Variants in NPAS3 observed in about 807,000 individuals in gnomAD.
NPAS3 encodes the protein neuronal PAS domain protein 3, also known as neuronal PAS domain-containing protein 3.
Under a neutral mutation model 73.1 loss-of-function variants are expected in NPAS3, and 14 were observed. The observed-to-expected ratio is 0.19, with a 90% CI of 0.13 to 0.30. NPAS3 has a LOEUF of 0.30. Among genes scored for constraint, NPAS3 ranks in the 10% least tolerant of loss-of-function variants. The probability of loss-of-function intolerance (pLI) is 1.00; values close to 1 mark genes in which losing one functional copy is unlikely to be tolerated. For missense variants in NPAS3, 1,096 were observed against 1,250.0 expected, an observed-to-expected ratio of 0.88 and a Z score of 1.86; for synonymous variants, 620 against 541.5, an observed-to-expected ratio of 1.14 and a Z score of -2.01.
At chr14:33,613,421 T>C (rs2057812823) in intron 5 of NPAS3, among the ~76,000 whole-genome samples, 1 of 152,134 alleles carries the variant, frequency 6.6e-6, no homozygotes, top group Admixed American at 6.5e-5. Flanking sequence ...CTCTCTGAAT[T>C]GACCCTTCCA....
rs114974357 is a variant in NPAS3, at chr14:33,658,595, G to C, written c.559-17616G>C. ...GCTGCTCTAGTTGGAAAGTGAGAGA[G>C]AGAGGCCTCAGAGGTATCCCAGGGA... On this transcript the variant is annotated intron_variant, in intron 5 of 11. Coordinates refer to ENST00000356141, the Ensembl canonical transcript of NPAS3. Among the ~76,000 whole-genome samples the C allele has an allele frequency of 1.6e-3, 246 of 152,284 alleles. 1 individual carries two copies. The highest frequency in any genetic ancestry group is 5.8e-3 in the African/African-American group (240 of 41,550).
chr14:33,736,762 T>C (rs933289351), intron 7 of NPAS3, among the ~76,000 whole-genome samples: 1 of 152,178 alleles, frequency 6.6e-6, no homozygotes, highest in Non-Finnish European at 1.5e-5. Flanking sequence ...TCATTTTTAC[T>C]GGTTTGGAGG....
chr14:33,614,399 T>G (rs1313835681), intron 5 of NPAS3, among the ~76,000 whole-genome samples: 1 of 151,920 alleles, frequency 6.6e-6, no homozygotes, highest in African/African-American at 2.4e-5. Flanking sequence ...AGAATATTGG[T>G]GGAGAGAGAT....
chr14:33,712,009 G>A (rs139152288), intron 6 of NPAS3, among the ~76,000 whole-genome samples: 8 of 152,270 alleles, frequency 5.3e-5, no homozygotes, highest in South Asian at 4.1e-4. Flanking sequence ...CTTCCTCTCC[G>A]TTTGTTCTCA....
At chr14:33,258,115 C>T (rs1235704207) in intron 3 of NPAS3, among the ~76,000 whole-genome samples, 1 of 152,172 alleles carries the variant, frequency 6.6e-6, no homozygotes, top group East Asian at 1.9e-4. Context: ...GAAAGTTAGG[C>T]TAGGTGCAGT....
At chr14:33,431,150 G>C (rs2048767661) in intron 4 of NPAS3, among the ~76,000 whole-genome samples, 1 of 152,150 alleles carries the variant, frequency 6.6e-6, no homozygotes, top group Admixed American at 6.5e-5. Flanking sequence ...CGTGTTGGTT[G>C]ATTACTTTTC....
intron 5 of NPAS3, among the ~76,000 whole-genome samples, chr14:33,666,672 A>T (rs1225022556): frequency 6.6e-6 from 1 of 152,102 alleles, no homozygotes; most frequent in Non-Finnish European, 1.5e-5. Context: ...TTGACTTTGT[A>T]TGTGTTTTTC....
At chr14:33,198,791 C>T (rs1018212714) in intron 2 of NPAS3, among the ~76,000 whole-genome samples, 33 of 152,188 alleles carry the variant, frequency 2.2e-4, no homozygotes, top group African/African-American at 2.4e-5. Context: ...GGAGCAGGGG[C>T]AGTGCCTGTC....
intron 3 of NPAS3, among the ~76,000 whole-genome samples, chr14:33,276,618 C>G (rs905904997): frequency 5.9e-5 from 9 of 151,592 alleles, no homozygotes; most frequent in Non-Finnish European, 1.0e-4. Flanking sequence ...TTTTTTTTCC[C>G]TGAGCTTCAT....
At chr14:33,397,218 G>A (rs1400649346) in intron 4 of NPAS3, among the ~76,000 whole-genome samples, 1 of 152,084 alleles carries the variant, frequency 6.6e-6, no homozygotes, top group African/African-American at 2.4e-5. Flanking sequence ...TTAACTCCTG[G>A]AAGAGAGGCT....
chr14:33,440,230 A>G (rs2049184894), intron 4 of NPAS3, among the ~76,000 whole-genome samples: 1 of 152,138 alleles, frequency 6.6e-6, no homozygotes, highest in Admixed American at 6.5e-5. Context: ...TACTGAGAAG[A>G]GACCTGATCC....
chr14:33,598,286 C>T (rs2139984312), intron 5 of NPAS3, among the ~76,000 whole-genome samples: 1 of 152,300 alleles, frequency 6.6e-6, no homozygotes, highest in Non-Finnish European at 1.5e-5. Context: ...CAGAGCTTTC[C>T]ATCTCAGTCT....
chr14:33,331,189 A>G (rs896702496), intron 3 of NPAS3, among the ~76,000 whole-genome samples: 19 of 152,224 alleles, frequency 1.2e-4, no homozygotes, highest in Non-Finnish European at 2.5e-4. Flanking sequence ...GACATTTTTA[A>G]GGCTATAAAG....
At chr14:33,049,062 A>G (rs1030677153) in intron 1 of NPAS3, among the ~76,000 whole-genome samples, 5 of 152,212 alleles carry the variant, frequency 3.3e-5, no homozygotes, top group Non-Finnish European at 5.9e-5. Flanking sequence ...TACTGAAGTT[A>G]TAATTTCTGA....
intron 2 of NPAS3, among the ~76,000 whole-genome samples, chr14:33,059,644 A>G (rs371779751): frequency 1.3e-5 from 2 of 152,342 alleles, no homozygotes; most frequent in South Asian, 2.1e-4. Flanking sequence ...TGTTTTCGCA[A>G]ACACATCTGT....
chr14:33,754,696 C>A (rs538206377), intron 7 of NPAS3, among the ~76,000 whole-genome samples: 1 of 152,288 alleles, frequency 6.6e-6, no homozygotes, highest in East Asian at 1.9e-4. Flanking sequence ...TGTCCTTAGT[C>A]CCCAAGAACA....
intron 4 of NPAS3, among the ~76,000 whole-genome samples, chr14:33,473,248 T>G (rs1294110413): frequency 1.3e-5 from 2 of 152,126 alleles, no homozygotes; most frequent in African/African-American, 4.8e-5. Flanking sequence ...TAATAGGCAT[T>G]TAAAACATAT....
chr14:33,466,939 T>A (rs1429318991), intron 4 of NPAS3, among the ~76,000 whole-genome samples: 1 of 152,174 alleles, frequency 6.6e-6, no homozygotes, highest in Non-Finnish European at 1.5e-5. Flanking sequence ...ACCATATCAC[T>A]CCTTGAAGGA....
intron 7 of NPAS3, among the ~76,000 whole-genome samples, chr14:33,762,207 T>A (rs1008355320): frequency 3.9e-5 from 6 of 152,220 alleles, no homozygotes; most frequent in African/African-American, 1.4e-4. Flanking sequence ...CCATGAATCA[T>A]AAAAATTGGT....
Sources: gnomAD v4.1 joint callset for allele counts (sites outside exome capture counted in the v4.1 genomes callset) on GRCh38, gnomAD v4.1.1 for gene constraint, MANE v1.5 for transcripts, NCBI Gene and HGNC (gene_info 2026-07-23, HGNC 2026-07-21) for gene names.